The following ITPR2 variants were observed in gnomAD, a reference collection of about 807,000 sequenced individuals.
The protein encoded by ITPR2 is inositol 1,4,5-trisphosphate receptor type 2.
ITPR2 carries 207 observed loss-of-function variants against 317.1 expected under a neutral mutation model. That is an observed-to-expected ratio of 0.65 (90% CI 0.58 to 0.73). The LOEUF (loss-of-function observed/expected upper bound fraction) is 0.73. Ranked by LOEUF, ITPR2 falls within the 30% of genes least tolerant of loss-of-function variation. The pLI is 0.00. For synonymous variants in ITPR2, 1,156 were observed against 1,149.1 expected (o/e 1.01, Z -0.12); for missense variants, 2,613 against 3,284.0 (o/e 0.80, Z 4.99).
At chr12:26,424,940 A>G (rs866393759) in intron 49 of ITPR2, among the ~76,000 whole-genome samples, 2 of 151,282 alleles carry the variant, frequency 1.3e-5, no homozygotes, top group Non-Finnish European at 2.9e-5. Context: ...TTATATTTTT[A>G]GTAGAGACAG....
At chr12:26,465,616 C>CTCT (rs1942152638) in intron 45 of ITPR2, among the ~76,000 whole-genome samples, 1 of 150,418 alleles carries the variant, frequency 6.6e-6, no homozygotes, top group African/African-American at 2.4e-5. Flanking sequence ...CCTCTGGCGC[C>CTCT]CTCTCTCTCT....
intron 36 of ITPR2, among the ~76,000 whole-genome samples, chr12:26,554,576 G>A (rs1944614601): frequency 6.6e-6 from 1 of 152,142 alleles, no homozygotes; most frequent in Non-Finnish European, 1.5e-5. Context: ...TTACAGAAAT[G>A]AGTAGCAGGA....
Position 26,773,336 on chromosome 12 carries a change from A to G in ITPR2, c.163+16821T>C, listed in dbSNP as rs190021764. On this transcript the variant is annotated intron_variant, in intron 2 of 56. Transcript: ENST00000381340. ...CTGTTAAAATACAGAAAAAATACAT[A>G]TTTATTCAGCACTCACTAAGAATTT... 6.2e-4 allele frequency among the ~76,000 whole-genome samples: 94 copies of G among 152,342 alleles called. 1 individual carries two copies. In the East Asian group the frequency reaches 0.016, roughly 27 times the overall value.
chr12:26,758,183 C>T (rs192588103), intron 2 of ITPR2, among the ~76,000 whole-genome samples: 19 of 152,230 alleles, frequency 1.2e-4, no homozygotes, highest in Admixed American at 5.2e-4. Flanking sequence ...CTCCATCCCC[C>T]CATTTCTAAC....
At chr12:26,498,267 C>G (rs1281346615) in intron 37 of ITPR2, among the ~76,000 whole-genome samples, 1 of 152,170 alleles carries the variant, frequency 6.6e-6, no homozygotes, top group Non-Finnish European at 1.5e-5. Flanking sequence ...GAATACAACT[C>G]TACTATTTAC....
intron 36 of ITPR2, among the ~76,000 whole-genome samples, chr12:26,554,027 T>C (rs1944597355): frequency 6.6e-6 from 1 of 152,184 alleles, no homozygotes; most frequent in African/African-American, 2.4e-5. Flanking sequence ...GGATCTGCAA[T>C]GTATTCCTAT....
At chr12:26,598,333 TCTCCTC>T (rs1945901646) in intron 30 of ITPR2, among the ~76,000 whole-genome samples, 1 of 152,134 alleles carries the variant, frequency 6.6e-6, no homozygotes, top group African/African-American at 2.4e-5. Context: ...ATTATGGAAA[TCTCCTC>T]CATTCCCAAA....
chr12:26,589,574 G>T (rs1269547369), intron 32 of ITPR2, among the ~76,000 whole-genome samples: 4 of 151,144 alleles, frequency 2.6e-5, no homozygotes, highest in African/African-American at 9.7e-5. Flanking sequence ...AGATCACGAG[G>T]TCAGGGGTTC....
At chr12:26,634,543 A>G (rs1175636518) in intron 21 of ITPR2, among the ~76,000 whole-genome samples, 2 of 152,184 alleles carry the variant, frequency 1.3e-5, no homozygotes, top group Non-Finnish European at 2.9e-5. Context: ...ACAAAGTGTA[A>G]TGAGATAATT....
In ITPR2 at chr12:26,476,931, T is replaced by A. The variant is rs767017719; in HGVS notation, c.6200A>T (p.Asn2067Ile). 5 of 1,612,750 alleles carry A rather than the reference T, an allele frequency of 3.1e-6. No individual in the cohort carries two copies. The East Asian group carries it at 1.1e-4, about 36-fold the overall frequency. Residue 2067 changes from asparagine (N) to isoleucine (I), a missense_variant, in exon 44 of 57, where the codon AAC becomes ATC. By Grantham distance (149) the Asn-to-Ile change is moderately radical. Coordinates refer to ENST00000381340, the MANE Select transcript of ITPR2 (RefSeq NM_002223.4). ...DSENAERILFNMRPRELVDVM... is the reference protein window; with the variant it reads ...DSENAERILFIMRPRELVDVM... ...TCTTACCAGTTCTCTGGGTCTCATGTTAAAAAGAATTCTTTCTGCATTCTC... is the reference window on the plus strand; with the variant it reads ...TCTTACCAGTTCTCTGGGTCTCATGATAAAAAGAATTCTTTCTGCATTCTC...
intron 11 of ITPR2, among the ~76,000 whole-genome samples, chr12:26,685,329 C>T (rs1948105621): frequency 6.6e-6 from 1 of 152,186 alleles, no homozygotes; most frequent in Non-Finnish European, 1.5e-5. Flanking sequence ...GGCGTGGTGG[C>T]TCATGCCTGT....
intron 45 of ITPR2, among the ~76,000 whole-genome samples, chr12:26,468,093 T>A (rs78640541): frequency 6.6e-6 from 1 of 152,156 alleles, no homozygotes; most frequent in South Asian, 2.1e-4. Context: ...GTGGTTCTAG[T>A]TGGACATAAC....
chr12:26,362,385 T>C (rs149649343), intron 55 of ITPR2, among the ~76,000 whole-genome samples: 52 of 152,308 alleles, frequency 3.4e-4, no homozygotes, highest in African/African-American at 1.1e-3. Flanking sequence ...AGAAAACATC[T>C]TTCCACCATT....
intron 16 of ITPR2, 35 bp downstream of exon 16, chr12:26,659,078 C>T (rs772188777): frequency 1.3e-6 from 2 of 1,541,894 alleles, no homozygotes; most frequent in South Asian, 1.2e-5. Flanking sequence ...CCGCAATCTC[C>T]ACTAGAAAAG....
chr12:26,721,230 A>G (rs902003182), intron 5 of ITPR2: 2 of 475,838 alleles, frequency 4.2e-6, no homozygotes, highest in African/African-American at 4.0e-5. Flanking sequence ...AATCCAACCA[A>G]CACAAGACTT....
chr12:26,377,905 T>G (rs1407775996), intron 55 of ITPR2, among the ~76,000 whole-genome samples: 2 of 152,100 alleles, frequency 1.3e-5, no homozygotes, highest in Non-Finnish European at 2.9e-5. Context: ...TTCCCCTCCA[T>G]CCTTCTATCA....
At chr12:26,562,890 C>T (rs965502530) in intron 34 of ITPR2, among the ~76,000 whole-genome samples, 8 of 148,686 alleles carry the variant, frequency 5.4e-5, no homozygotes, top group African/African-American at 1.7e-4. Flanking sequence ...ACGTTGTGCA[C>T]ATGTACCCTA....
chr12:26,824,291 T>C (rs1013399223), intron 1 of ITPR2, among the ~76,000 whole-genome samples: 5 of 152,218 alleles, frequency 3.3e-5, no homozygotes, highest in African/African-American at 1.2e-4. Flanking sequence ...TGAGTATTAC[T>C]TTTGCACCAT....
At position 26,486,362 on chromosome 12, in the gene ITPR2, T is replaced by A; in HGVS notation, c.5555-2A>T. ...TTAAATGTAGTGTTGAATCTCTTAC[T>A]GAAAACAAAGCAGTACTTTTATATT... On this transcript the variant is annotated splice_acceptor_variant, in intron 40 of 56. Coordinates refer to ENST00000381340, the MANE Select transcript of ITPR2 (RefSeq NM_002223.4). LOFTEE classifies it high-confidence loss of function. 6.2e-7 allele frequency: 1 copy of A among 1,607,692 alleles called. No individual in the cohort carries two copies. Among genetic ancestry groups the A allele is most frequent in the Non-Finnish European group, 8.5e-7 (1 of 1,175,478 alleles).
Sources: allele counts gnomAD v4.1 joint callset (sites outside exome capture counted in the v4.1 genomes callset), GRCh38; gene constraint gnomAD v4.1.1; transcripts MANE v1.5; gene names NCBI Gene and HGNC (gene_info 2026-07-23, HGNC 2026-07-21).